SIPA1L3: variants seen among roughly 807,000 people sequenced by gnomAD.
SIPA1L3 encodes the protein signal-induced proliferation-associated 1-like protein 3.
A neutral mutation model predicts 150.1 loss-of-function variants in SIPA1L3; 59 were observed. The observed-to-expected ratio is 0.39, with a 90% confidence interval of 0.32 to 0.49. The LOEUF is 0.49. Among genes scored for constraint, SIPA1L3 ranks in the 20% least tolerant of loss-of-function variants. The pLI, the probability that SIPA1L3 is intolerant of heterozygous loss-of-function variation, is 0.86. For synonymous variants in SIPA1L3, 1,070 were observed against 1,077.6 expected (o/e 0.99, Z 0.14); for missense variants, 2,211 against 2,489.5 (o/e 0.89, Z 2.38).
intron 8 of SIPA1L3, among the ~76,000 whole-genome samples, chr19:38,115,604 G>A (rs757083542): frequency 2.0e-5 from 3 of 152,070 alleles, no homozygotes; most frequent in Admixed American, 6.6e-5. Flanking sequence ...CTTGCCTTCC[G>A]GGCCATGCCC....
intron 8 of SIPA1L3, among the ~76,000 whole-genome samples, chr19:38,112,399 C>G (rs2145881506): frequency 6.6e-6 from 1 of 152,258 alleles, no homozygotes; most frequent in East Asian, 1.9e-4. Context: ...GAGCTGCTTT[C>G]TCTTCTTCGT....
intron 1 of SIPA1L3, among the ~76,000 whole-genome samples, chr19:37,961,159 G>A (rs906530901): frequency 1.4e-5 from 2 of 148,108 alleles, no homozygotes; most frequent in African/African-American, 5.1e-5. Context: ...GTGAGCCACC[G>A]TGCCCAACCC....
intron 2 of SIPA1L3, among the ~76,000 whole-genome samples, chr19:38,061,612 C>A (rs1969447413): frequency 6.6e-6 from 1 of 151,922 alleles, no homozygotes; most frequent in Admixed American, 6.6e-5. Context: ...GAATGAGAGA[C>A]AGACAAGGAC....
At chr19:38,169,747 G>A (rs1015889963) in intron 15 of SIPA1L3, among the ~76,000 whole-genome samples, 2 of 152,210 alleles carry the variant, frequency 1.3e-5, no homozygotes, top group Admixed American at 6.5e-5. Flanking sequence ...GGGACACAGC[G>A]GTGACTGGGG....
At chr19:38,162,195 C>T in intron 13 of SIPA1L3, 58 bp from the exon 14 acceptor site, 1 of 1,382,376 alleles carries the variant, frequency 7.2e-7, no homozygotes, top group Non-Finnish European at 1.0e-6. Flanking sequence ...GGTCCAGATT[C>T]TTCAGGCCCT....
intron 1 of SIPA1L3, among the ~76,000 whole-genome samples, chr19:37,948,539 CCT>C (rs2046733454): frequency 2.0e-5 from 3 of 151,802 alleles, no homozygotes; most frequent in African/African-American, 4.8e-5. Context: ...AGTCATTGTT[CCT>C]CTGTTTCCAA....
intron 1 of SIPA1L3, among the ~76,000 whole-genome samples, chr19:37,959,132 A>T (rs2046835749): frequency 6.6e-6 from 1 of 152,258 alleles, no homozygotes; most frequent in African/African-American, 2.4e-5. Flanking sequence ...TACTCAAAAA[A>T]ATATATACAT....
chr19:38,066,597 G>A (rs1725506), intron 2 of SIPA1L3, among the ~76,000 whole-genome samples: 30,029 of 152,098 alleles, frequency 0.2, 3,277 homozygotes, highest in African/African-American at 0.29. Flanking sequence ...AGGCCAAGAC[G>A]GGTGGATCAC....
chr19:38,109,943 CGAAG>C, intron 7 of SIPA1L3: 1 of 378,242 alleles, frequency 2.6e-6, no homozygotes, highest in Non-Finnish European at 4.9e-6. Flanking sequence ...GAAGAGGTGA[CGAAG>C]GAAGCCATGT....
intron 15 of SIPA1L3, among the ~76,000 whole-genome samples, chr19:38,171,592 C>T (rs986953206): frequency 1.3e-5 from 2 of 151,738 alleles, no homozygotes; most frequent in Non-Finnish European, 2.9e-5. Flanking sequence ...AGGGTTTCAC[C>T]ATGTTGGCCA....
chr19:38,108,004 A>AGG (rs1970659821), intron 7 of SIPA1L3, among the ~76,000 whole-genome samples: 1 of 151,918 alleles, frequency 6.6e-6, no homozygotes, highest in African/African-American at 2.4e-5. Flanking sequence ...AAAAAAAAAA[A>AGG]GCGCTTTGAT....
At chr19:38,114,424 CAAAAAA>C (rs5828003) in intron 8 of SIPA1L3, among the ~76,000 whole-genome samples, 2 of 100,284 alleles carry the variant, frequency 2.0e-5, no homozygotes, top group Non-Finnish European at 2.0e-5. Context: ...ACTCTTGTCT[CAAAAAA>C]AAAAAAAAAA....
intron 15 of SIPA1L3, among the ~76,000 whole-genome samples, chr19:38,180,518 A>G (rs1248520292): frequency 7.5e-6 from 1 of 133,510 alleles, no homozygotes; most frequent in Non-Finnish European, 1.6e-5. Flanking sequence ...TTATCTTAGC[A>G]TTTTTCTTTT....
At chr19:37,909,436 T>G (rs1241946761) in intron 1 of SIPA1L3, among the ~76,000 whole-genome samples, 1 of 152,116 alleles carries the variant, frequency 6.6e-6, no homozygotes, top group African/African-American at 2.4e-5. Context: ...CTTGAACTCC[T>G]GACCTCAGGT....
At chr19:38,188,445 A>G (rs1462974662) in intron 16 of SIPA1L3, among the ~76,000 whole-genome samples, 3 of 151,686 alleles carry the variant, frequency 2.0e-5, no homozygotes, top group South Asian at 2.1e-4. Flanking sequence ...TTGGCCTCCA[A>G]AGTGCTGGGA....
chr19:38,169,111 C>T (rs1330646860), intron 15 of SIPA1L3, among the ~76,000 whole-genome samples: 8 of 152,158 alleles, frequency 5.3e-5, no homozygotes, highest in East Asian at 3.9e-4. Flanking sequence ...TATCCAGGCC[C>T]GGCGCAGTGG....
chr19:38,016,064 A>G (rs948257946), intron 1 of SIPA1L3, among the ~76,000 whole-genome samples: 1 of 152,220 alleles, frequency 6.6e-6, no homozygotes, highest in Admixed American at 6.5e-5. Flanking sequence ...TGCATGCTCC[A>G]TTGGCCCTGG....
In SIPA1L3 at chr19:38,042,685, TG is replaced by T. The variant is rs367835534; in HGVS notation, c.-311+13532del. 3.1e-3 allele frequency among the ~76,000 whole-genome samples: 477 copies of T among 152,394 alleles called. 2 individuals carry two copies. Among genetic ancestry groups the T allele is most frequent in the African/African-American group, 0.011 (453 of 41,600 alleles). ...GCTACATTTTCTAAGGATAATATTT[TG>T]GGCATATCTTGCTTTATCTTTGGTT... On this transcript the variant is annotated intron_variant, in intron 2 of 21. Transcript: ENST00000222345.
chr19:38,140,397 CTTTTT>C (rs200086221), intron 10 of SIPA1L3, among the ~76,000 whole-genome samples: 2 of 146,986 alleles, frequency 1.4e-5, no homozygotes, highest in Non-Finnish European at 1.5e-5. Context: ...GATTTCATGG[CTTTTT>C]TTTTTTTTTT....
Sources: gnomAD v4.1 joint callset for allele counts (sites outside exome capture counted in the v4.1 genomes callset) on GRCh38, gnomAD v4.1.1 for gene constraint, MANE v1.5 for transcripts, NCBI Gene and HGNC (gene_info 2026-07-23, HGNC 2026-07-21) for gene names.